The following STXBP6 variants were observed in gnomAD, a reference collection of about 807,000 sequenced individuals.
STXBP6 encodes syntaxin-binding protein 6.
In STXBP6, 21 loss-of-function variants were observed where a neutral mutation model predicts 26.9. The ratio of observed to expected loss-of-function variants is 0.78; its 90% CI spans 0.55 to 1.12. The LOEUF is 1.12. Among genes scored for constraint, STXBP6 ranks in the 50% most tolerant of loss-of-function variants. STXBP6 has a pLI of 0.00. For synonymous variants in STXBP6, 97 were observed against 92.6 expected (o/e 1.05, Z -0.27); for missense variants, 232 against 257.9 (o/e 0.90, Z 0.69).
chr14:24,830,299 T>C (rs111747403), intron 4 of STXBP6, among the ~76,000 whole-genome samples: 4 of 152,086 alleles, frequency 2.6e-5, no homozygotes, highest in African/African-American at 9.6e-5. Flanking sequence ...TGGTGGTAGT[T>C]TGGGAATAGG....
intron 2 of STXBP6, among the ~76,000 whole-genome samples, chr14:24,946,915 C>T (rs973858439): frequency 6.6e-5 from 10 of 151,820 alleles, no homozygotes; most frequent in East Asian, 1.9e-4. Context: ...GGGAGAAGAC[C>T]GAGATGACTG....
At chr14:24,920,418 ATT>A (rs2071938786) in intron 2 of STXBP6, among the ~76,000 whole-genome samples, 1 of 151,942 alleles carries the variant, frequency 6.6e-6, no homozygotes, top group Non-Finnish European at 1.5e-5. Context: ...TCAACAGAAT[ATT>A]TCTCTTTCTC....
At chr14:24,846,479 T>C (rs1210865845) in intron 4 of STXBP6, among the ~76,000 whole-genome samples, 1 of 152,192 alleles carries the variant, frequency 6.6e-6, no homozygotes, top group South Asian at 2.1e-4. Context: ...TTTATTTGTC[T>C]ACATACCATA....
intron 1 of STXBP6, among the ~76,000 whole-genome samples, chr14:25,017,779 TA>T (rs1344372659): frequency 6.6e-6 from 1 of 152,196 alleles, no homozygotes; most frequent in African/African-American, 2.4e-5. Flanking sequence ...CCTGAGGACT[TA>T]CTGGACCCTG....
rs1252774225 is a variant in STXBP6, at chr14:24,811,476, C to T, written c.*1233G>A. On this transcript the variant is annotated 3_prime_UTR_variant, in exon 6 of 6. Coordinates refer to ENST00000323944, the MANE Select transcript of STXBP6 (RefSeq NM_001394410.1). ...TTTTTTTATGTTTAGCATTTTAACC[C>T]TCTAGGAAACAGAACTTCTAGACCC... 6.6e-6 allele frequency: 1 copy of T among 152,028 alleles called. No homozygotes were observed. The highest frequency in any genetic ancestry group is 1.5e-5 in the Non-Finnish European group (1 of 68,018). 9.4% of individuals were successfully genotyped at this position (152,028 alleles called of 1,614,324 possible). A position where few individuals can be genotyped will look rare whatever the true frequency, so the allele number is the denominator to read the frequency against.
At chr14:24,854,517 C>T (rs1446534041) in intron 4 of STXBP6, among the ~76,000 whole-genome samples, 2 of 152,090 alleles carry the variant, frequency 1.3e-5, no homozygotes, top group Admixed American at 6.6e-5. Context: ...GAGAAAAATG[C>T]TTCATAGCAG....
chr14:24,888,775 C>T (rs190746961), intron 2 of STXBP6, among the ~76,000 whole-genome samples: 1 of 151,784 alleles, frequency 6.6e-6, no homozygotes, highest in African/African-American at 2.4e-5. Flanking sequence ...TATTTAGATG[C>T]CCCAATCCCT....
intron 2 of STXBP6, among the ~76,000 whole-genome samples, chr14:24,928,098 A>G (rs1308958157): frequency 2.6e-5 from 4 of 152,108 alleles, no homozygotes; most frequent in Non-Finnish European, 5.9e-5. Context: ...AGAATAATAA[A>G]TCCCTCGTTA....
chr14:24,967,132 G>T (rs2073759620), intron 2 of STXBP6, among the ~76,000 whole-genome samples: 2 of 152,134 alleles, frequency 1.3e-5, no homozygotes, highest in African/African-American at 4.8e-5. Context: ...TGAGGATCTT[G>T]GGCAGGCTAA....
chr14:24,981,301 C>G (rs1481173057), intron 1 of STXBP6, among the ~76,000 whole-genome samples: 2 of 151,558 alleles, frequency 1.3e-5, no homozygotes, highest in African/African-American at 4.9e-5. Flanking sequence ...GAGGCAGAGT[C>G]TCACTGTTGC....
At chr14:24,833,831 T>C (rs116337897) in intron 4 of STXBP6, among the ~76,000 whole-genome samples, 5,666 of 152,284 alleles carry the variant, frequency 0.037, 176 homozygotes, top group East Asian at 0.16. Flanking sequence ...ATTTCCAAAA[T>C]TGTTATTATG....
intron 1 of STXBP6, among the ~76,000 whole-genome samples, chr14:24,977,642 A>G (rs1286452868): frequency 6.6e-6 from 1 of 152,258 alleles, no homozygotes; most frequent in Non-Finnish European, 1.5e-5. Flanking sequence ...CAATATATGC[A>G]GAACACTTAT....
chr14:24,917,655 G>T (rs1036352397), intron 2 of STXBP6, among the ~76,000 whole-genome samples: 2 of 151,772 alleles, frequency 1.3e-5, no homozygotes, highest in Non-Finnish European at 2.9e-5. Flanking sequence ...AAAAATCTTA[G>T]AAAAAGACAT....
chr14:24,932,244 TA>T (rs760343397), intron 2 of STXBP6, among the ~76,000 whole-genome samples: 13 of 152,294 alleles, frequency 8.5e-5, no homozygotes, highest in African/African-American at 1.2e-4. Context: ...CCATCTCTAC[TA>T]AAAATACAAA....
intron 4 of STXBP6, among the ~76,000 whole-genome samples, chr14:24,851,219 ATT>A (rs2069138093): frequency 1.4e-5 from 2 of 145,070 alleles, no homozygotes; most frequent in African/African-American, 5.1e-5. Flanking sequence ...CTGACAATCT[ATT>A]TGAGGCAGAC....
chr14:24,916,796 C>A (rs2071786366), intron 2 of STXBP6, among the ~76,000 whole-genome samples: 1 of 152,022 alleles, frequency 6.6e-6, no homozygotes, highest in South Asian at 2.1e-4. Flanking sequence ...AGGCTTCACC[C>A]AGATATAATG....
intron 2 of STXBP6, among the ~76,000 whole-genome samples, chr14:24,915,199 T>C (rs2071720052): frequency 6.6e-6 from 1 of 152,140 alleles, no homozygotes; most frequent in Non-Finnish European, 1.5e-5. Context: ...TAAAAATGAC[T>C]AAGAGCACAA....
At chr14:24,947,213 G>T (rs572911062) in intron 2 of STXBP6, among the ~76,000 whole-genome samples, 1 of 104,908 alleles carries the variant, frequency 9.5e-6, no homozygotes, top group African/African-American at 4.1e-5. Flanking sequence ...CATATGTGAA[G>T]GGAAAGCAAA....
intron 4 of STXBP6, among the ~76,000 whole-genome samples, chr14:24,844,498 T>G (rs1350656320): frequency 6.6e-6 from 1 of 152,072 alleles, no homozygotes; most frequent in Admixed American, 6.6e-5. Context: ...ACCAGCAGGG[T>G]CTGCACTAAT....
Sources: gnomAD v4.1 joint callset for allele counts (sites outside exome capture counted in the v4.1 genomes callset) on GRCh38, gnomAD v4.1.1 for gene constraint, MANE v1.5 for transcripts, NCBI Gene and HGNC (gene_info 2026-07-23, HGNC 2026-07-21) for gene names.